Variants in CCDC178 observed in about 807,000 individuals in gnomAD.
The protein encoded by CCDC178 is coiled-coil domain-containing protein 178.
A neutral mutation model predicts 117.4 loss-of-function variants in CCDC178; 126 were observed. The ratio of observed to expected loss-of-function variants is 1.07; its 90% CI spans 0.93 to 1.24. The LOEUF is 1.24. CCDC178 is among the 50% of genes most tolerant of loss of function. The pLI is 0.00. For missense variants in CCDC178, 1,030 were observed against 986.9 expected (o/e 1.04, Z -0.59); for synonymous variants, 283 against 313.4 (o/e 0.90, Z 1.02).
chr18:33,077,389 A>G (rs183055191), intron 21 of CCDC178, among the ~76,000 whole-genome samples: 6 of 152,274 alleles, frequency 3.9e-5, no homozygotes, highest in African/African-American at 1.2e-4. Context: ...ACATGACCCT[A>G]TTTAGAGACA....
At chr18:33,137,120 A>T (rs1300054129) in intron 20 of CCDC178, among the ~76,000 whole-genome samples, 1 of 152,192 alleles carries the variant, frequency 6.6e-6, no homozygotes. Flanking sequence ...TCAATCTGGA[A>T]GTTTGAAATA....
intron 5 of CCDC178, among the ~76,000 whole-genome samples, chr18:33,378,973 T>C (rs1177704928): frequency 2.0e-5 from 3 of 151,688 alleles, no homozygotes; most frequent in Non-Finnish European, 2.9e-5. Context: ...GGAGGAGTCT[T>C]TCCACTTTGA....
chr18:33,321,206 A>C (rs1340903340), intron 11 of CCDC178, among the ~76,000 whole-genome samples: 1 of 152,222 alleles, frequency 6.6e-6, no homozygotes, highest in Non-Finnish European at 1.5e-5. Flanking sequence ...TAAAACACCA[A>C]AAGCGTGGCA....
intron 21 of CCDC178, among the ~76,000 whole-genome samples, chr18:32,991,980 G>C (rs963119693): frequency 2.6e-5 from 4 of 152,126 alleles, no homozygotes; most frequent in Admixed American, 6.5e-5. Context: ...GAAATAATGG[G>C]AACTTTTAGG....
intron 20 of CCDC178, among the ~76,000 whole-genome samples, chr18:33,180,838 T>C (rs2058725824): frequency 6.6e-6 from 1 of 152,056 alleles, no homozygotes; most frequent in African/African-American, 2.4e-5. Context: ...TATGGGGTAA[T>C]TTCCTTCTAC....
intron 15 of CCDC178, among the ~76,000 whole-genome samples, chr18:33,242,824 A>G (rs1366407610): frequency 6.6e-6 from 1 of 151,780 alleles, no homozygotes; most frequent in African/African-American, 2.4e-5. Context: ...ATTAGTACAG[A>G]CACTATGGAC....
rs1027636497 is a variant in CCDC178, at chr18:33,196,148, T to C, written c.2238+15748A>G. Among the ~76,000 whole-genome samples the C allele has an allele frequency of 3.3e-5, 5 of 152,192 alleles. No individual in the cohort carries two copies. The South Asian group carries it at 1.0e-3, about 32-fold the overall frequency. On this transcript the variant is annotated intron_variant, in intron 20 of 22. Coordinates refer to ENST00000383096, the MANE Select transcript of CCDC178 (RefSeq NM_001105528.4). The stretch of plus-strand genomic sequence containing the variant: ...TTACTTTTATCAGTAACTGATGCAA[T>C]TACAACAGCATCAGTTCCAACCTCT...
intron 14 of CCDC178, among the ~76,000 whole-genome samples, chr18:33,254,751 G>A (rs1417787695): frequency 6.6e-6 from 1 of 152,006 alleles, no homozygotes; most frequent in East Asian, 1.9e-4. Context: ...GGAAGGAGAA[G>A]GAGGAAAAAG....
chr18:33,140,984 G>C (rs1377835016), intron 20 of CCDC178, among the ~76,000 whole-genome samples: 1 of 152,078 alleles, frequency 6.6e-6, no homozygotes, highest in East Asian at 1.9e-4. Context: ...AGTCTCACAA[G>C]ATCTGATGGT....
chr18:33,073,910 T>C (rs1473178865), intron 21 of CCDC178, among the ~76,000 whole-genome samples: 1 of 152,108 alleles, frequency 6.6e-6, no homozygotes, highest in African/African-American at 2.4e-5. Context: ...GGACTTTCAA[T>C]CTAGTGATTA....
chr18:33,089,679 C>T (rs956962845), intron 21 of CCDC178, among the ~76,000 whole-genome samples: 1 of 152,174 alleles, frequency 6.6e-6, no homozygotes, highest in Non-Finnish European at 1.5e-5. Flanking sequence ...TATCTGCGTG[C>T]TTGCTTAACT....
chr18:33,417,535 T>TACACACACAC (rs60345049), intron 2 of CCDC178, among the ~76,000 whole-genome samples: 49 of 148,300 alleles, frequency 3.3e-4, no homozygotes, highest in Non-Finnish European at 6.6e-4. Flanking sequence ...CAGAGCTGTA[T>TACACACACAC]ACACACACAC....
chr18:32,994,803 G>T (rs890016167), intron 21 of CCDC178, among the ~76,000 whole-genome samples: 1 of 152,160 alleles, frequency 6.6e-6, no homozygotes, highest in Non-Finnish European at 1.5e-5. Context: ...AAGCAAAAGA[G>T]AATTCAATGA....
At chr18:33,156,614 T>A (rs1379298157) in intron 20 of CCDC178, among the ~76,000 whole-genome samples, 1 of 132,344 alleles carries the variant, frequency 7.6e-6, no homozygotes, top group Non-Finnish European at 1.6e-5. Context: ...ATTTCTCCTA[T>A]CATTTTTGCT....
chr18:33,311,858 C>T (rs540515182), intron 11 of CCDC178, among the ~76,000 whole-genome samples: 1 of 152,262 alleles, frequency 6.6e-6, no homozygotes, highest in Non-Finnish European at 1.5e-5. Flanking sequence ...GTTTTGAACA[C>T]CCCCTGGGGC....
Position 33,223,137 on chromosome 18 carries a change from T to C in CCDC178, c.1901A>G (p.Lys634Arg). ...TTCTATTAATGCATCAAGGGTTTTC[T>C]TCCCCTTTTTTCGTAATTTTTTCTT... ...KVKKKLRKKG[K>R]KTLDALIETE... Residue 634 changes from lysine to arginine, a missense_variant, in exon 18 of 23, where the codon AAG becomes AGG. Lys to Arg is a conservative substitution (Grantham distance 26). Coordinates refer to ENST00000383096, the MANE Select transcript of CCDC178 (RefSeq NM_001105528.4). The C allele has an allele frequency of 6.2e-7, 1 of 1,605,562 alleles. No individual in the cohort carries two copies. Among genetic ancestry groups the C allele is most frequent in the Non-Finnish European group, 8.5e-7 (1 of 1,174,384 alleles).
intron 10 of CCDC178, among the ~76,000 whole-genome samples, chr18:33,332,160 G>A (rs1249799899): frequency 2.6e-5 from 4 of 152,228 alleles, no homozygotes; most frequent in Middle Eastern, 3.4e-3. Context: ...TACTGTTTGT[G>A]TGATTAAAAA....
intron 6 of CCDC178, among the ~76,000 whole-genome samples, chr18:33,366,557 G>A (rs1419801210): frequency 6.6e-6 from 1 of 152,042 alleles, no homozygotes; most frequent in Non-Finnish European, 1.5e-5. Flanking sequence ...TGATGGAGAT[G>A]TATATATACA....
At chr18:33,425,127 T>C (rs2064102634) in intron 2 of CCDC178, among the ~76,000 whole-genome samples, 1 of 152,142 alleles carries the variant, frequency 6.6e-6, no homozygotes, top group East Asian at 1.9e-4. Context: ...TAGTGTCCAA[T>C]ATTTTATCCA....
Sources: gnomAD v4.1 joint callset for allele counts (sites outside exome capture counted in the v4.1 genomes callset) on GRCh38, gnomAD v4.1.1 for gene constraint, MANE v1.5 for transcripts, NCBI Gene and HGNC (gene_info 2026-07-23, HGNC 2026-07-21) for gene names.